The following TCIRG1 variants were observed in gnomAD, a reference collection of about 807,000 sequenced individuals.
TCIRG1 encodes the protein T cell immune regulator 1, ATPase H+ transporting V0 subunit a3, also known as V-type proton ATPase 116 kDa subunit a 3.
Under a neutral mutation model 95.5 loss-of-function variants are expected in TCIRG1, and 86 were observed. That is an observed-to-expected ratio of 0.90 (90% CI 0.76 to 1.08). The LOEUF (loss-of-function observed/expected upper bound fraction) is 1.08. TCIRG1 is among the 50% of genes least tolerant of loss of function. The pLI, the probability that TCIRG1 is intolerant of heterozygous loss-of-function variation, is 0.00. For missense variants in TCIRG1, 1,069 were observed against 1,140.2 expected (o/e 0.94, Z 0.90); for synonymous variants, 499 against 501.3 (o/e 1.00, Z 0.06).
intron 10 of TCIRG1, among the ~76,000 whole-genome samples, chr11:68,045,358 C>T (rs940470337): frequency 2.6e-5 from 4 of 152,226 alleles, no homozygotes; most frequent in African/African-American, 7.2e-5. Flanking sequence ...AGAGGCTGTG[C>T]GGTGGGCATG....
At chr11:68,047,381 G>A (rs1855554265) in intron 10 of TCIRG1, 52 bp from the exon 11 acceptor site, 7 of 1,608,494 alleles carry the variant, frequency 4.4e-6, no homozygotes, top group Non-Finnish European at 5.1e-6. Context: ...TGGGCCGGGA[G>A]GCAGATGCTG....
chr11:68,043,693 C>G, intron 7 of TCIRG1, 40 bp downstream of exon 7: 1 of 1,565,554 alleles, frequency 6.4e-7, no homozygotes, highest in Non-Finnish European at 8.7e-7. Flanking sequence ...CCCTGCTCCC[C>G]AGGCCCCTGC....
chr11:68,045,127 G>A (rs202075938), intron 10 of TCIRG1, 25 bp downstream of exon 10: 90 of 1,599,084 alleles, frequency 5.6e-5, no homozygotes, highest in Non-Finnish European at 6.9e-5. Context: ...ATCCTTACCC[G>A]TGTCCTGGGA....
chr11:68,052,527 T>C (rs1206735470), downstream of TCIRG1: 3 of 152,296 alleles, frequency 2.0e-5, no homozygotes, highest in South Asian at 2.1e-4. Flanking sequence ...CTTAAAACTG[T>C]AACTCTCTAG....
chr11:68,043,337 T>A (rs1015313216), intron 5 of TCIRG1, 34 bp from the exon 6 acceptor site: 1 of 1,535,356 alleles, frequency 6.5e-7, no homozygotes. Context: ...GGGCAGGAGG[T>A]TGGAGCAGCC....
rs1855691673 is a variant in TCIRG1, at chr11:68,049,644, C to T, written c.1888-19C>T. 2 of 1,598,090 alleles carry T rather than the reference C, an allele frequency of 1.3e-6. No individual in the cohort carries two copies. Among genetic ancestry groups the T allele is most frequent in the Non-Finnish European group, 1.7e-6 (2 of 1,178,870 alleles). On this transcript the variant is annotated intron_variant, in intron 15 of 19. Transcript: ENST00000265686. ...TGTGCACAGCAGGGACGCCCTGACTCTCGCCCTCTCCCTGGCAGGAGGTGG... is the reference window on the plus strand; with the variant it reads ...TGTGCACAGCAGGGACGCCCTGACTTTCGCCCTCTCCCTGGCAGGAGGTGG...
At position 68,050,513 on chromosome 11, in the gene TCIRG1, G is replaced by A; in HGVS notation, c.2263G>A (p.Val755Met). The A allele has an allele frequency of 2.5e-6, 4 of 1,613,556 alleles. No individual in the cohort carries two copies. Among genetic ancestry groups the A allele is most frequent in the Non-Finnish European group, 2.5e-6 (3 of 1,180,008 alleles). The change falls in exon 19 of 20, where the codon GTG becomes ATG. Residue 755 changes from valine (V) to methionine (M), a missense_variant. Coordinates refer to ENST00000265686, the MANE Select transcript of TCIRG1 (RefSeq NM_006019.4). ...AQLSEVLWAM[V>M]MRIGLGLGRE... Reference sequence around the variant, plus strand: ...GCTGTCCGAGGTTCTGTGGGCCATGGTGATGCGCATAGGCCTGGGCCTGGG... The same window carrying A: ...GCTGTCCGAGGTTCTGTGGGCCATGATGATGCGCATAGGCCTGGGCCTGGG...
downstream of TCIRG1, chr11:68,050,919 C>CCTTT (rs1351792552): frequency 7.4e-7 from 1 of 1,357,870 alleles, no homozygotes; most frequent in Admixed American, 1.9e-5. Flanking sequence ...TCTCTTCCCT[C>CCTTT]CTTTTTAGCT....
chr11:68,050,402 G>A, intron 18 of TCIRG1, 85 bp from the exon 19 acceptor site: 1 of 1,609,816 alleles, frequency 6.2e-7, no homozygotes, highest in South Asian at 1.1e-5. Context: ...CCCCCGTGCA[G>A]GGAGGGCTTC....
chr11:68,044,789 G>GC (rs1387887027), intron 9 of TCIRG1, 169 bp from the exon 10 acceptor site: 2 of 822,774 alleles, frequency 2.4e-6, no homozygotes, highest in Non-Finnish European at 1.9e-6. Context: ...GTGTCTTTGG[G>GC]CCCCCACCAG....
intron 1 of TCIRG1, among the ~76,000 whole-genome samples, chr11:68,039,498 G>A (rs1855059795): frequency 6.6e-6 from 1 of 152,158 alleles, no homozygotes; most frequent in South Asian, 2.1e-4. Context: ...TGGAGGGGGC[G>A]CCAGACCCTC....
Position 68,049,977 on chromosome 11 carries a change from G to T in TCIRG1, c.2029G>T (p.Gly677Trp). 5 of 1,611,866 alleles carry T rather than the reference G, an allele frequency of 3.1e-6. No homozygotes were observed. The highest frequency in any genetic ancestry group is 3.4e-6 in the Non-Finnish European group (4 of 1,179,632). The change falls in exon 17 of 20, where the codon GGG becomes TGG. Residue 677 changes from glycine to tryptophan, a missense_variant. Transcript: ENST00000265686. ...CATGCCCCAGGAGGAAAACAAGGCC[G>T]GGTTGCTGGACCTGCCTGACGCATC... ...PADRQEENKAGLLDLPDASVN... is the reference protein window; with the variant it reads ...PADRQEENKAWLLDLPDASVN...
At chr11:68,049,390 C>T (rs1187316635) in intron 15 of TCIRG1, 96 bp downstream of exon 15, 22 of 1,338,206 alleles carry the variant, frequency 1.6e-5, no homozygotes, top group South Asian at 2.7e-5. Flanking sequence ...GTCCGAGAAA[C>T]GGGGATGCAG....
chr11:68,040,802 C>T (rs1002823530), intron 1 of TCIRG1, among the ~76,000 whole-genome samples: 9 of 152,192 alleles, frequency 5.9e-5, no homozygotes, highest in South Asian at 4.1e-4. Flanking sequence ...CCAGGGTACC[C>T]GGTGGAGATG....
chr11:68,047,027 G>A (rs768552385), intron 10 of TCIRG1: 13 of 257,988 alleles, frequency 5.0e-5, no homozygotes, highest in South Asian at 1.3e-4. Flanking sequence ...TTTTTTTTTC[G>A]GAGACAGAAT....
chr11:68,043,132 T>A, intron 5 of TCIRG1, 101 bp downstream of exon 5: 1 of 1,538,430 alleles, frequency 6.5e-7, no homozygotes, highest in South Asian at 1.2e-5. Context: ...TCCAGTGCTC[T>A]CCCCAGGCTG....
intron 2 of TCIRG1, 74 bp downstream of exon 2, chr11:68,041,462 T>G: frequency 3.6e-6 from 4 of 1,114,144 alleles, no homozygotes; most frequent in African/African-American, 1.5e-5. Context: ...GGATGGGGAC[T>G]GCCCCCCCTC....
rs150648332 is a variant in TCIRG1 at position 68,041,805 on chromosome 11, G to T, written c.170G>T (p.Arg57Leu). The T allele has an allele frequency of 1.9e-6, 3 of 1,609,164 alleles. No individual in the cohort carries two copies. Among genetic ancestry groups the T allele is most frequent in the Non-Finnish European group, 1.7e-6 (2 of 1,177,890 alleles). The part of the protein sequence containing the change: ...FQRRFVVDVR[R>L]CEELEKTFTF... ...AGACGCTTTGTGGTTGATGTTCGGC[G>T]CTGTGAGGAGCTGGAGAAGACCTTC... Residue 57 changes from arginine (R) to leucine (L), a missense_variant, in exon 3 of 20, where the codon CGC (arginine) becomes CTC (leucine). Coordinates refer to ENST00000265686, the MANE Select transcript of TCIRG1 (RefSeq NM_006019.4).
rs1425184184 is a variant in TCIRG1 at position 68,049,109 on chromosome 11, C to G, written c.1702C>G (p.Leu568Val). The change falls in exon 15 of 20, where the codon CTG (leucine) becomes GTG (valine). Residue 568 changes from leucine to valine, a missense_variant. Transcript: ENST00000265686. Reference sequence around the variant, plus strand: ...CTTTGGCCAGAGGCACCGGCTGCTGCTGGAGACGCTGCCGGAGCTCACCTT... The same window carrying G: ...CTTTGGCCAGAGGCACCGGCTGCTGGTGGAGACGCTGCCGGAGCTCACCTT... ...VHFGQRHRLL[L>V]ETLPELTFLL... 1.9e-6 allele frequency: 3 copies of G among 1,613,578 alleles called. No individual in the cohort carries two copies. In the African/African-American group the frequency reaches 4.0e-5, roughly 22 times the overall value.
Sources: gnomAD v4.1 joint callset for allele counts (sites outside exome capture counted in the v4.1 genomes callset) on GRCh38, gnomAD v4.1.1 for gene constraint, MANE v1.5 for transcripts, NCBI Gene and HGNC (gene_info 2026-07-23, HGNC 2026-07-21) for gene names.